The following MXRA5 variants were observed in gnomAD, a reference collection of about 807,000 sequenced individuals.
MXRA5 encodes matrix-remodeling-associated protein 5.
In MXRA5, 41 loss-of-function variants were observed where a neutral mutation model predicts 112.5. The observed-to-expected ratio is 0.36, with a 90% CI of 0.28 to 0.47. The LOEUF is 0.47. Among genes scored for constraint, MXRA5 ranks in the 20% least tolerant of loss-of-function variants. The pLI, the probability that MXRA5 is intolerant of heterozygous loss-of-function variation, is 0.99. For missense variants in MXRA5, 2,150 were observed against 2,251.0 expected, an observed-to-expected ratio of 0.96 and a Z score of 0.91; for synonymous variants, 862 against 900.8, an observed-to-expected ratio of 0.96 and a Z score of 0.77.
intron 2 of MXRA5, among the ~76,000 whole-genome samples, chrX:3,340,380 T>G (rs1303743169): frequency 8.9e-6 from 1 of 112,099 alleles, no homozygotes; most frequent in Non-Finnish European, 1.9e-5. Context: ...ACTCATTACC[T>G]AATTTGAGAT....
chrX:3,309,131 T>C lies in MXRA5; in HGVS notation c.*585A>G, dbSNP rs1920963419. 9.0e-6 allele frequency: 1 copy of C among 111,633 alleles called. No individual in the cohort carries two copies. The highest frequency in any genetic ancestry group is 3.3e-5 in the African/African-American group (1 of 30,650). The allele number at this position is 111,633 out of a possible 1,213,427, so 9.2% of individuals were successfully genotyped here. On this transcript the variant is annotated 3_prime_UTR_variant, in exon 7 of 7. Coordinates refer to ENST00000217939, the MANE Select transcript of MXRA5 (RefSeq NM_015419.4). Reference sequence around the variant, plus strand: ...TGAGTTCCAGGAAGAAATGTTTTTCTTTTTTCATATAAAATGGTAGCTGTA... The same window carrying C: ...TGAGTTCCAGGAAGAAATGTTTTTCCTTTTTCATATAAAATGGTAGCTGTA...
intron 2 of MXRA5, among the ~76,000 whole-genome samples, chrX:3,332,028 G>A (rs758388102): frequency 3.0e-4 from 34 of 111,866 alleles, no homozygotes; most frequent in Non-Finnish European, 5.8e-4. Context: ...TACTAGCATG[G>A]TCCAATTTTC....
In MXRA5 at chrX:3,309,544, A is replaced by G. The variant is rs1920965980; in HGVS notation, c.*172T>C. 6.6e-6 allele frequency: 3 copies of G among 453,345 alleles called. No individual in the cohort carries two copies. The highest frequency in any genetic ancestry group is 8.2e-5 in the Admixed American group (2 of 24,521). The allele number at this position is 453,345 out of a possible 1,213,427, so 37.4% of individuals were successfully genotyped here. A position where few individuals can be genotyped will look rare whatever the true frequency, so the allele number is the denominator to read the frequency against. ...GCTGAGCCCTCCTTCTCGTGTCTGCATTGCTTCCTTTTCCCAACAATTGTA... is the reference window on the plus strand; with the variant it reads ...GCTGAGCCCTCCTTCTCGTGTCTGCGTTGCTTCCTTTTCCCAACAATTGTA... On this transcript the variant is annotated 3_prime_UTR_variant, in exon 7 of 7. Coordinates refer to ENST00000217939, the MANE Select transcript of MXRA5 (RefSeq NM_015419.4).
At chrX:3,341,999 G>A (rs1254136326) in intron 2 of MXRA5, among the ~76,000 whole-genome samples, 2 of 73,623 alleles carry the variant, frequency 2.7e-5, no homozygotes, top group Admixed American at 1.5e-4. Context: ...AGCAGACATG[G>A]AACCAACCCA....
intron 4 of MXRA5, among the ~76,000 whole-genome samples, chrX:3,328,363 C>T (rs985288852): frequency 4.5e-5 from 5 of 112,084 alleles, no homozygotes; most frequent in Non-Finnish European, 7.5e-5. Flanking sequence ...TAGAAATAAA[C>T]GAATAAGAAG....
intron 6 of MXRA5, among the ~76,000 whole-genome samples, chrX:3,316,237 C>CTGTA (rs1555943545): frequency 1.3e-4 from 2 of 15,587 alleles, no homozygotes; most frequent in African/African-American, 7.6e-4. Flanking sequence ...TGGCGTGAAC[C>CTGTA]CGGGAGGCGG....
chrX:3,317,340 G>T lies in MXRA5; in HGVS notation c.6341C>A (p.Pro2114His). The T allele has an allele frequency of 8.3e-7, 1 of 1,208,977 alleles. No individual in the cohort carries two copies. The highest frequency in any genetic ancestry group is 1.8e-5 in the South Asian group (1 of 56,467). Reference protein sequence around the residue: ...NGTLYIRNLAPKDSGRYECVA... With the variant: ...NGTLYIRNLAHKDSGRYECVA... ...GCACTCATAGCGCCCGCTGTCCTTG[G>T]GCGCGAGGTTGCGGATGTAGAGCGT... The change falls in exon 6 of 7, where the codon CCC becomes CAC. Residue 2114 changes from proline (P) to histidine (H), a missense_variant. This residue lies in a region of MXRA5 where 1,485 missense variants were observed against 1,471.6 expected (regional missense o/e 1.01). Coordinates refer to ENST00000217939, the MANE Select transcript of MXRA5 (RefSeq NM_015419.4).
intron 2 of MXRA5, among the ~76,000 whole-genome samples, chrX:3,331,621 C>T (rs941860257): frequency 2.7e-5 from 3 of 112,266 alleles, no homozygotes; most frequent in Non-Finnish European, 5.6e-5. Flanking sequence ...GACAGGCTGC[C>T]ATGTCTGACG....
At chrX:3,318,072 A>G in intron 5 of MXRA5, 69 bp from the exon 6 acceptor site, 1 of 901,940 alleles carries the variant, frequency 1.1e-6, no homozygotes, top group East Asian at 3.3e-5. Context: ...AACGAGCAGT[A>G]TTAGTTAATC....
chrX:3,326,019 T>C (rs1921474493), intron 4 of MXRA5, among the ~76,000 whole-genome samples: 1 of 48,355 alleles, frequency 2.1e-5, no homozygotes, highest in African/African-American at 7.6e-5. Flanking sequence ...TATATTTATA[T>C]GTATTTTATA....
chrX:3,325,834 ATATT>A (rs1368615465), intron 4 of MXRA5, among the ~76,000 whole-genome samples: 1 of 56,106 alleles, frequency 1.8e-5, no homozygotes, highest in Non-Finnish European at 4.0e-5. Flanking sequence ...ATATAATAAT[ATATT>A]TATTCATAAA....
intron 2 of MXRA5, among the ~76,000 whole-genome samples, chrX:3,336,708 T>C (rs1032044539): frequency 3.6e-5 from 4 of 112,479 alleles, no homozygotes; most frequent in African/African-American, 1.3e-4. Flanking sequence ...GAATTTTACT[T>C]TAAAAAATTG....
rs749816852 is a variant in MXRA5, at chrX:3,343,628, GAAGA to G, written c.188+14_188+17del. 4.2e-6 allele frequency: 5 copies of G among 1,199,859 alleles called. No individual in the cohort carries two copies. The highest frequency in any genetic ancestry group is 5.6e-6 in the Non-Finnish European group (5 of 886,803). ...ACGCACTGACAGTGGGAAGGTTCGG[GAAGA>G]AAGTGGTACAAACCCCAAATTGATT... On this transcript the variant is annotated intron_variant, in intron 2 of 6. Coordinates refer to ENST00000217939, the MANE Select transcript of MXRA5 (RefSeq NM_015419.4).
intron 2 of MXRA5, among the ~76,000 whole-genome samples, chrX:3,336,695 T>C (rs772081681): frequency 3.6e-5 from 4 of 112,542 alleles, no homozygotes; most frequent in Non-Finnish European, 7.5e-5. Flanking sequence ...TGCCATGTCA[T>C]TTGAATTTTA....
Position 3,343,604 on chromosome X carries a change from C to A in MXRA5, c.188+42G>T, listed in dbSNP as rs377446194. Reference sequence around the variant, plus strand: ...ACACGCAAAACCAGATCAAGACGCACGCACTGACAGTGGGAAGGTTCGGGA... The same window carrying A: ...ACACGCAAAACCAGATCAAGACGCAAGCACTGACAGTGGGAAGGTTCGGGA... On this transcript the variant is annotated intron_variant, in intron 2 of 6. Coordinates refer to ENST00000217939, the MANE Select transcript of MXRA5 (RefSeq NM_015419.4). 6 of 1,147,559 alleles carry A rather than the reference C, an allele frequency of 5.2e-6. No homozygotes were observed. In the African/African-American group the frequency reaches 1.1e-4, roughly 20 times the overall value. 94.6% of individuals were successfully genotyped at this position (1,147,559 alleles called of 1,213,427 possible).
At chrX:3,344,421 T>A (rs948416593) in intron 1 of MXRA5, among the ~76,000 whole-genome samples, 5 of 111,995 alleles carry the variant, frequency 4.5e-5, no homozygotes, top group Non-Finnish European at 9.4e-5. Context: ...TCTGGGTTTA[T>A]TTACTATCCT....
chrX:3,325,061 T>A (rs1267176036), intron 4 of MXRA5, 86 bp from the exon 5 acceptor site: 4 of 993,700 alleles, frequency 4.0e-6, no homozygotes. Context: ...AGCCTATGTT[T>A]GCATCTTTAT....
At position 3,311,180 on chromosome X, in the gene MXRA5, C is replaced by T. The variant is rs1412649824; in HGVS notation, c.7023G>A (p.Val2341=). 8.3e-7 allele frequency: 1 copy of T among 1,211,862 alleles called. No individual in the cohort carries two copies. Among genetic ancestry groups the T allele is most frequent in the South Asian group, 1.8e-5 (1 of 56,981 alleles). ...GKDEMRVRVK[V]VTAPATIRNK... Reference sequence around the variant, plus strand: ...TCCGGATGGTGGCGGGCGCTGTCACCACCTTGACTCTGACTCTCATCTCGT... The same window carrying T: ...TCCGGATGGTGGCGGGCGCTGTCACTACCTTGACTCTGACTCTCATCTCGT... Residue 2341 remains valine, a synonymous_variant, in exon 7 of 7, where the codon GTG becomes GTA. Transcript: ENST00000217939.
chrX:3,311,227 C>T lies in MXRA5; in HGVS notation c.6976G>A (p.Ala2326Thr). Residue 2326 changes from alanine (A) to threonine (T), a missense_variant, in exon 7 of 7, where the codon GCT becomes ACT. By Grantham distance (58) the Ala-to-Thr change is moderately conservative (BLOSUM62 0). Transcript: ENST00000217939. ...TCGTCCTTCCCGACCTGATTTTCAG[C>T]AAAGCAGGTGTAGTCTCCTTCCTCC... ...MREEGDYTCF[A>T]ENQVGKDEMR... 8.3e-7 allele frequency: 1 copy of T among 1,212,061 alleles called. No homozygotes were observed. Among genetic ancestry groups the T allele is most frequent in the Non-Finnish European group, 1.1e-6 (1 of 895,613 alleles).
Sources: gnomAD v4.1 joint callset for allele counts (sites outside exome capture counted in the v4.1 genomes callset) on GRCh38, gnomAD v4.1.1 for gene constraint, gnomAD v4.1.1 regional missense constraint, MANE v1.5 for transcripts, NCBI Gene and HGNC (gene_info 2026-07-23, HGNC 2026-07-21) for gene names.